PTTG1IP: variants seen among roughly 807,000 people sequenced by gnomAD.
PTTG1IP encodes the protein pituitary tumor-transforming gene 1 protein-interacting protein.
PTTG1IP carries 16 observed loss-of-function variants against 24.4 expected under a neutral mutation model. The ratio of observed to expected loss-of-function variants is 0.66; its 90% CI spans 0.44 to 1.00. The LOEUF is 1.00. Ranked by LOEUF, PTTG1IP falls within the 50% of genes least tolerant of loss-of-function variation. The pLI is 0.00. For missense variants in PTTG1IP, 241 were observed against 245.8 expected (o/e 0.98, Z 0.13); for synonymous variants, 89 against 96.8 (o/e 0.92, Z 0.47).
rs2146474409 is a variant in PTTG1IP at position 44,870,330 on chromosome 21, CAGG to C, written c.115+3169_115+3171del. 1.3e-5 allele frequency among the ~76,000 whole-genome samples: 2 copies of C among 152,242 alleles called. 1 individual carries two copies. The highest frequency in any genetic ancestry group is 1.3e-4 in the Admixed American group (2 of 15,298). On this transcript the variant is annotated intron_variant, in intron 1 of 5. Transcript: ENST00000330938. ...CCGAGGTGGGCAGATCACCTGAGGT[CAGG>C]AGTTCGAGACCGGCCTGGCCGACAT...
chr21:44,856,570 T>G (rs542293755), intron 3 of PTTG1IP, among the ~76,000 whole-genome samples: 1 of 152,336 alleles, frequency 6.6e-6, no homozygotes, highest in South Asian at 2.1e-4. Context: ...CAAGTCTCCT[T>G]TCAGCCACAC....
chr21:44,870,652 C>G (rs2083578144), intron 1 of PTTG1IP, among the ~76,000 whole-genome samples: 1 of 151,812 alleles, frequency 6.6e-6, no homozygotes, highest in African/African-American at 2.4e-5. Context: ...AAAACATGTG[C>G]TAGAAAACCA....
chr21:44,855,924 C>T (rs1191936998), intron 4 of PTTG1IP, among the ~76,000 whole-genome samples: 4 of 152,178 alleles, frequency 2.6e-5, no homozygotes, highest in African/African-American at 9.7e-5. Context: ...GTCACACACC[C>T]GTGTCACCGC....
At chr21:44,870,525 CAAA>C (rs60436978) in intron 1 of PTTG1IP, among the ~76,000 whole-genome samples, 1 of 76,964 alleles carries the variant, frequency 1.3e-5, no homozygotes, top group Admixed American at 1.7e-4. Context: ...GACTCCATCT[CAAA>C]AAAAAAAAAA....
At chr21:44,853,573 C>A (rs1601242229) in intron 5 of PTTG1IP, among the ~76,000 whole-genome samples, 1 of 151,446 alleles carries the variant, frequency 6.6e-6, no homozygotes, top group Admixed American at 6.6e-5. Context: ...AAGGAAAGCA[C>A]AATGCCTCCA....
chr21:44,861,241 G>A lies in PTTG1IP; in HGVS notation c.199C>T (p.Leu67=), dbSNP rs751093743. The A allele has an allele frequency of 1.1e-5, 18 of 1,613,944 alleles. No homozygotes were observed. The South Asian group carries it at 1.9e-4, about 17-fold the overall frequency. Residue 67 remains leucine, a synonymous_variant, in exon 3 of 6, where the codon CTG becomes TTG. Coordinates refer to ENST00000330938, the MANE Select transcript of PTTG1IP (RefSeq NM_004339.4). ...AAGACGCTTGTAACTGGGTAGTCCA[G>A]ACAAGCCTTGTTAGTGTTGCACCAA... ...CLWCNTNKAC[L]DYPVTSVLPP...
At chr21:44,858,172 G>A (rs1025764060) in intron 3 of PTTG1IP, among the ~76,000 whole-genome samples, 3 of 152,174 alleles carry the variant, frequency 2.0e-5, no homozygotes, top group East Asian at 1.9e-4. Flanking sequence ...CTGGACAAAC[G>A]GCCAACGCTG....
chr21:44,871,171 G>A (rs2083581691), intron 1 of PTTG1IP, among the ~76,000 whole-genome samples: 1 of 152,240 alleles, frequency 6.6e-6, no homozygotes, highest in African/African-American at 2.4e-5. Flanking sequence ...TGAAGACTAG[G>A]AGTATGTATC....
intron 1 of PTTG1IP, among the ~76,000 whole-genome samples, chr21:44,869,346 T>C (rs2083566240): frequency 6.6e-6 from 1 of 152,264 alleles, no homozygotes; most frequent in African/African-American, 2.4e-5. Flanking sequence ...AACAGCCTCC[T>C]TCTTAGGAGA....
intron 1 of PTTG1IP, among the ~76,000 whole-genome samples, chr21:44,868,438 T>G (rs979282934): frequency 2.6e-5 from 4 of 152,146 alleles, no homozygotes; most frequent in African/African-American, 9.7e-5. Context: ...CTGTTCCCCA[T>G]CAGCCGGAAG....
At chr21:44,864,051 C>T (rs2083515277) in intron 2 of PTTG1IP, among the ~76,000 whole-genome samples, 3 of 152,230 alleles carry the variant, frequency 2.0e-5, no homozygotes, top group South Asian at 4.1e-4. Flanking sequence ...TACATCTTTC[C>T]CGGCCTCCTC....
intron 1 of PTTG1IP, 113 bp from the exon 2 acceptor site, chr21:44,865,560 T>C (rs1397606730): frequency 1.2e-5 from 12 of 1,035,334 alleles, no homozygotes; most frequent in Non-Finnish European, 1.6e-5. Flanking sequence ...GAACCTCTGA[T>C]GTGGAATTAC....
rs112140470 is a variant in PTTG1IP at position 44,873,667 on chromosome 21, G to A, written c.-51C>T. ...GTGGAGCGTTACAACTCCGACTCCA[G>A]CACAAGCGGTCTCCGCCCGGAACAG... On this transcript the variant is annotated 5_prime_UTR_variant, in exon 1 of 6. Coordinates refer to ENST00000330938, the MANE Select transcript of PTTG1IP (RefSeq NM_004339.4). The A allele has an allele frequency of 0.016, 20,978 of 1,314,286 alleles. 272 individuals carry two copies. Among genetic ancestry groups the A allele is most frequent in the South Asian group, 0.051 (2,574 of 50,934 alleles). 81.4% of individuals were successfully genotyped at this position (1,314,286 alleles called of 1,614,324 possible).
At chr21:44,870,522 T>C (rs1243454169) in intron 1 of PTTG1IP, among the ~76,000 whole-genome samples, 4 of 25,688 alleles carry the variant, frequency 1.6e-4, no homozygotes, top group African/African-American at 5.2e-4. Flanking sequence ...CAAGACTCCA[T>C]CTCAAAAAAA....
intron 3 of PTTG1IP, among the ~76,000 whole-genome samples, chr21:44,858,848 T>C (rs2083468775): frequency 1.3e-5 from 2 of 152,188 alleles, no homozygotes; most frequent in Non-Finnish European, 2.9e-5. Context: ...CTAGATGGAC[T>C]GAACTTAGGG....
Position 44,851,597 on chromosome 21 carries a change from C to A in PTTG1IP, c.527G>T (p.Arg176Ile). Residue 176 changes from arginine (R) to isoleucine (I), a missense_variant, in exon 6 of 6, where the codon AGA becomes ATA. Transcript: ENST00000330938. ...GLFKEENPYA[R>I]FENN is the part of the protein sequence containing the mutation. ...TGGAGCGCTTTAGTTGTTTTCAAAT[C>A]TAGCATACGGGTTTTCTTCTTTAAA... The A allele has an allele frequency of 6.3e-7, 1 of 1,592,992 alleles. No homozygotes were observed. The highest frequency in any genetic ancestry group is 8.6e-7 in the Non-Finnish European group (1 of 1,162,416).
At chr21:44,862,393 C>G (rs888071234) in intron 2 of PTTG1IP, among the ~76,000 whole-genome samples, 1 of 152,234 alleles carries the variant, frequency 6.6e-6, no homozygotes, top group African/African-American at 2.4e-5. Context: ...GTGGCACATG[C>G]CTGTAATCCC....
intron 1 of PTTG1IP, among the ~76,000 whole-genome samples, chr21:44,866,463 A>C (rs2083540144): frequency 2.8e-5 from 1 of 36,278 alleles, no homozygotes; most frequent in Non-Finnish European, 5.0e-5. Context: ...CTACTCCCCC[A>C]ATCCCATAAC....
At chr21:44,869,013 AG>A (rs2083564048) in intron 1 of PTTG1IP, among the ~76,000 whole-genome samples, 1 of 152,238 alleles carries the variant, frequency 6.6e-6, no homozygotes, top group Admixed American at 6.5e-5. Flanking sequence ...CCTCCCACGG[AG>A]GATACTGAGA....
Sources: gnomAD v4.1 joint callset for allele counts (sites outside exome capture counted in the v4.1 genomes callset) on GRCh38, gnomAD v4.1.1 for gene constraint, MANE v1.5 for transcripts, NCBI Gene and HGNC (gene_info 2026-07-23, HGNC 2026-07-21) for gene names.